PHIP: variants seen among roughly 807,000 people sequenced by gnomAD.
PHIP encodes PH-interacting protein.
A neutral mutation model predicts 236.8 loss-of-function variants in PHIP; 54 were observed. The observed-to-expected ratio is 0.23, with a 90% CI of 0.18 to 0.29. The LOEUF (loss-of-function observed/expected upper bound fraction) is 0.29. Ranked by LOEUF, PHIP falls within the 10% of genes least tolerant of loss-of-function variation. PHIP has a pLI of 1.00. For synonymous variants in PHIP, 756 were observed against 718.9 expected, an observed-to-expected ratio of 1.05 and a Z score of -0.83; for missense variants, 1,370 against 2,190.8, an observed-to-expected ratio of 0.63 and a Z score of 7.48.
Position 78,945,082 on chromosome 6 carries a change from CT to C in PHIP, c.4828+217del, listed in dbSNP as rs879391783. ...TAATTTAAACTTTGAAGATTTATTT[CT>C]TTTTTTTTTTTTTCTTTTGAGACAG... On this transcript the variant is annotated intron_variant, in intron 39 of 39. Transcript: ENST00000275034. 0.019 allele frequency among the ~76,000 whole-genome samples: 2,641 copies of C among 141,656 alleles called. 57 individuals are homozygous for C. The highest frequency in any genetic ancestry group is 0.06 in the African/African-American group (2,332 of 38,996). The allele number at this position is 141,656 out of a possible 152,430, so 92.9% of individuals were successfully genotyped here.
intron 21 of PHIP, among the ~76,000 whole-genome samples, chr6:78,987,881 T>G (rs867388583): frequency 6.6e-6 from 1 of 152,170 alleles, no homozygotes; most frequent in Non-Finnish European, 1.5e-5. Flanking sequence ...CTTAAAAAGC[T>G]TGGCTTTCAA....
chr6:79,015,250 A>G (rs1770781179), intron 14 of PHIP, 34 bp from the exon 15 acceptor site: 3 of 1,527,918 alleles, frequency 2.0e-6, no homozygotes, highest in Non-Finnish European at 2.7e-6. Context: ...AGAATCATAG[A>G]TATTAAAAAA....
chr6:79,022,994 T>C (rs1771197912), intron 9 of PHIP, among the ~76,000 whole-genome samples: 1 of 152,230 alleles, frequency 6.6e-6, no homozygotes, highest in Non-Finnish European at 1.5e-5. Flanking sequence ...TCCTGCCAAA[T>C]TTTTGGCAGT....
At chr6:79,061,024 T>C (rs897366571) in intron 4 of PHIP, among the ~76,000 whole-genome samples, 2 of 152,226 alleles carry the variant, frequency 1.3e-5, no homozygotes, top group African/African-American at 4.8e-5. Context: ...ATGCTGAATT[T>C]CATAATTTAC....
intron 6 of PHIP, among the ~76,000 whole-genome samples, chr6:79,044,756 C>T (rs1490231949): frequency 6.6e-6 from 1 of 151,950 alleles, no homozygotes. Context: ...ACCCATTTCT[C>T]GATGATTAAG....
intron 7 of PHIP, among the ~76,000 whole-genome samples, chr6:79,028,485 A>G (rs763514468): frequency 2.6e-5 from 4 of 152,204 alleles, no homozygotes; most frequent in Non-Finnish European, 5.9e-5. Flanking sequence ...ATCACTGATT[A>G]TCTGTTGGAA....
chr6:78,977,864 CTTTT>C (rs974349285), intron 24 of PHIP, among the ~76,000 whole-genome samples: 1 of 151,800 alleles, frequency 6.6e-6, no homozygotes, highest in Admixed American at 6.6e-5. Context: ...TTTTTGTTTT[CTTTT>C]TTTTCTTAAA....
In PHIP at chr6:78,934,437, CTTTT is replaced by C. The variant is rs1221663547; in HGVS notation, c.*6252_*6255del. On this transcript the variant is annotated 3_prime_UTR_variant, in exon 40 of 40. Coordinates refer to ENST00000275034, the MANE Select transcript of PHIP (RefSeq NM_017934.7). ...AATAAAATAAAGTGTGCCTGTACTTCTTTTTATTAGTAAACATGTACTTTTAAAG... is the reference window on the plus strand; with the variant it reads ...AATAAAATAAAGTGTGCCTGTACTTCTATTAGTAAACATGTACTTTTAAAG... Among the ~76,000 whole-genome samples the C allele has an allele frequency of 6.6e-6, 1 of 152,198 alleles. No homozygotes were observed. The highest frequency in any genetic ancestry group is 1.5e-5 in the Non-Finnish European group (1 of 68,038).
intron 7 of PHIP, among the ~76,000 whole-genome samples, chr6:79,026,495 C>T (rs961313604): frequency 6.6e-6 from 1 of 151,132 alleles, no homozygotes; most frequent in Non-Finnish European, 1.5e-5. Context: ...AGCTGCAAAA[C>T]AAATGCAAGC....
intron 4 of PHIP, among the ~76,000 whole-genome samples, chr6:79,061,386 T>C (rs1284186089): frequency 2.0e-5 from 3 of 152,208 alleles, no homozygotes; most frequent in African/African-American, 7.2e-5. Flanking sequence ...ATAAAACTTA[T>C]GAATAACACT....
chr6:79,014,967 A>G (rs2127740421), intron 15 of PHIP, 115 bp downstream of exon 15: 1 of 719,302 alleles, frequency 1.4e-6, no homozygotes, highest in African/African-American at 1.8e-5. Flanking sequence ...ATGGGAATTT[A>G]AAGTCAAAAT....
At chr6:79,030,964 G>A (rs1322969648) in intron 7 of PHIP, among the ~76,000 whole-genome samples, 3 of 151,746 alleles carry the variant, frequency 2.0e-5, no homozygotes. Context: ...TTTGTTTTGA[G>A]ACGAAGTCTT....
intron 27 of PHIP, among the ~76,000 whole-genome samples, 155 bp downstream of exon 27, chr6:78,969,680 C>T (rs914531773): frequency 6.6e-6 from 1 of 151,980 alleles, no homozygotes; most frequent in South Asian, 2.1e-4. Context: ...CTTAACAATA[C>T]CTCTGACATA....
At chr6:79,064,314 T>C (rs994389465) in intron 4 of PHIP, among the ~76,000 whole-genome samples, 1 of 152,112 alleles carries the variant, frequency 6.6e-6, no homozygotes, top group Admixed American at 6.6e-5. Context: ...AAAACAAAAA[T>C]CCTGCCTAAC....
chr6:78,988,023 G>T (rs1268100423), intron 21 of PHIP, among the ~76,000 whole-genome samples, 186 bp downstream of exon 21: 3 of 152,120 alleles, frequency 2.0e-5, no homozygotes, highest in African/African-American at 7.2e-5. Context: ...TTGTGGATTT[G>T]AAATTATGTG....
At chr6:79,071,940 A>G (rs778770282) in intron 4 of PHIP, among the ~76,000 whole-genome samples, 1 of 151,710 alleles carries the variant, frequency 6.6e-6, no homozygotes, top group Non-Finnish European at 1.5e-5. Context: ...ACAACTTTCC[A>G]GATTATGAAA....
chr6:79,030,566 T>C (rs974903896), intron 7 of PHIP, among the ~76,000 whole-genome samples: 1 of 152,232 alleles, frequency 6.6e-6, no homozygotes, highest in Non-Finnish European at 1.5e-5. Flanking sequence ...CCTGCTGAGG[T>C]AGTCACTAGA....
At chr6:78,975,524 G>A (rs1767987703) in intron 24 of PHIP, among the ~76,000 whole-genome samples, 1 of 152,142 alleles carries the variant, frequency 6.6e-6, no homozygotes, top group Non-Finnish European at 1.5e-5. Flanking sequence ...TTCTGGCCAG[G>A]GCAATTAGGC....
chr6:79,062,172 T>G (rs1365497911), intron 4 of PHIP, among the ~76,000 whole-genome samples: 1 of 152,152 alleles, frequency 6.6e-6, no homozygotes, highest in African/African-American at 2.4e-5. Context: ...TATTACCTCC[T>G]TGTTTTGCAG....
Sources: gnomAD v4.1 joint callset for allele counts (sites outside exome capture counted in the v4.1 genomes callset) on GRCh38, gnomAD v4.1.1 for gene constraint, MANE v1.5 for transcripts, NCBI Gene and HGNC (gene_info 2026-07-23, HGNC 2026-07-21) for gene names.